PRELID2: variants seen among roughly 807,000 people sequenced by gnomAD.
PRELID2 encodes the protein PRELI domain-containing protein 2.
In PRELID2, 25 loss-of-function variants were observed where a neutral mutation model predicts 28.4. That is an observed-to-expected ratio of 0.88 (90% CI 0.64 to 1.23). The LOEUF is 1.23. PRELID2 is among the 50% of genes most tolerant of loss of function. The probability of loss-of-function intolerance (pLI) is 0.00; values close to 1 mark genes in which losing one functional copy is unlikely to be tolerated. For synonymous variants in PRELID2, 76 were observed against 71.6 expected (o/e 1.06, Z -0.31); for missense variants, 201 against 214.4 (o/e 0.94, Z 0.39).
the PRELID2 span, among the ~76,000 whole-genome samples, chr5:145,439,186 G>A: frequency 6.6e-6 from 1 of 152,096 alleles, no homozygotes; most frequent in Non-Finnish European, 1.5e-5. Context: ...AATTGCCTGG[G>A]ATTGGCTCAC....
chr5:145,266,107 C>A, the PRELID2 span, among the ~76,000 whole-genome samples: 1 of 152,006 alleles, frequency 6.6e-6, no homozygotes, highest in Non-Finnish European at 1.5e-5. Flanking sequence ...GAAACCCAAA[C>A]AAATCAGCAA....
chr5:145,547,860 G>A (rs1327834267), intron 1 of PRELID2, among the ~76,000 whole-genome samples: 2 of 152,134 alleles, frequency 1.3e-5, no homozygotes, highest in African/African-American at 2.4e-5. Context: ...GAGATCATCT[G>A]CCAAATGCAA....
intron 1 of PRELID2, among the ~76,000 whole-genome samples, chr5:145,626,519 A>T (rs1018186517): frequency 1.3e-5 from 2 of 152,138 alleles, no homozygotes; most frequent in African/African-American, 4.8e-5. Context: ...AAGTAAAAAA[A>T]TGTAGATATT....
chr5:145,621,426 T>C (rs765521135), intron 1 of PRELID2, among the ~76,000 whole-genome samples: 19 of 152,174 alleles, frequency 1.2e-4, no homozygotes, highest in Non-Finnish European at 1.8e-4. Context: ...ATTCTATATC[T>C]ACACAAAAAC....
At chr5:145,495,208 C>T (rs1327568462) in intron 1 of PRELID2, among the ~76,000 whole-genome samples, 5 of 152,160 alleles carry the variant, frequency 3.3e-5, no homozygotes, top group Admixed American at 6.6e-5. Context: ...TACTTATGGG[C>T]ACAGTCTCTC....
In PRELID2 at chr5:145,819,506, T is replaced by G. The variant is rs909580579; in HGVS notation, c.207+439A>C. ...TACACATAAAGACTTACAGAGGGTG[T>G]GGAGAACCTTATACTCTGGGAAATA... is the stretch of plus-strand genomic sequence containing the variant. On this transcript the variant is annotated intron_variant, in intron 3 of 6. Coordinates refer to ENST00000683046, the MANE Select transcript of PRELID2 (RefSeq NM_205846.3). 2.3e-5 allele frequency: 18 copies of G among 783,872 alleles called. No homozygotes were observed. In the African/African-American group the frequency reaches 3.2e-4, roughly 14 times the overall value. The allele number at this position is 783,872 out of a possible 1,614,324, so 48.6% of individuals were successfully genotyped here.
At chr5:145,277,788 C>G in the PRELID2 span, among the ~76,000 whole-genome samples, 1 of 152,182 alleles carries the variant, frequency 6.6e-6, no homozygotes, top group Non-Finnish European at 1.5e-5. Flanking sequence ...AAGGCTGACT[C>G]TCCTCACTGG....
the PRELID2 span, among the ~76,000 whole-genome samples, chr5:145,325,663 A>G: frequency 6.6e-6 from 1 of 152,332 alleles, no homozygotes; most frequent in South Asian, 2.1e-4. Context: ...ATACCAGCTT[A>G]AAATGAACCA....
intron 1 of PRELID2, among the ~76,000 whole-genome samples, chr5:145,604,748 G>GTTTTTTTTTTTTT (rs377653737): frequency 2.8e-5 from 3 of 109,004 alleles, no homozygotes; most frequent in Non-Finnish European, 5.9e-5. Context: ...GTTTTTTTTG[G>GTTTTTTTTTTTTT]TTTTTTTTTT....
At chr5:145,496,571 C>T (rs1311114125) in intron 1 of PRELID2, among the ~76,000 whole-genome samples, 1 of 152,158 alleles carries the variant, frequency 6.6e-6, no homozygotes. Context: ...GCCTGGACTA[C>T]ACCCAGCCAA....
chr5:145,549,008 C>T lies in PRELID2; in HGVS notation n.71-75693G>A, dbSNP rs146965163. Among the ~76,000 whole-genome samples, 79 of 152,296 alleles carry T rather than the reference C, an allele frequency of 5.2e-4. 1 individual carries two copies. The East Asian group carries it at 0.014, about 28-fold the overall frequency. ...CCATTCCCACATTCTGCTCCTTCTG[C>T]CCCCAATACTCTTCTCCTGTCACCT... On this transcript the variant is annotated intron_variant and non_coding_transcript_variant, in intron 1 of 2. Transcript: ENST00000510259.
intron 4 of PRELID2, 39 bp from the exon 5 acceptor site, chr5:145,796,586 T>C (rs755459431): frequency 7.2e-6 from 9 of 1,252,298 alleles, no homozygotes; most frequent in Non-Finnish European, 1.0e-5. Flanking sequence ...GATGTCATTC[T>C]ATGCTTGGAT....
At chr5:145,267,319 T>A in the PRELID2 span, among the ~76,000 whole-genome samples, 1 of 152,062 alleles carries the variant, frequency 6.6e-6, no homozygotes, top group Non-Finnish European at 1.5e-5. Context: ...CTGACCCAAA[T>A]GTTAATCTCC....
chr5:145,384,395 A>G, the PRELID2 span, among the ~76,000 whole-genome samples: 1 of 152,236 alleles, frequency 6.6e-6, no homozygotes, highest in Admixed American at 6.5e-5. Flanking sequence ...ACTCTAATAT[A>G]TTCATACAAT....
At chr5:145,230,410 A>G in the PRELID2 span, among the ~76,000 whole-genome samples, 1 of 152,120 alleles carries the variant, frequency 6.6e-6, no homozygotes, top group South Asian at 2.1e-4. Context: ...TGTCTCTACT[A>G]AAAATACAAA....
At chr5:145,267,901 T>C in the PRELID2 span, among the ~76,000 whole-genome samples, 2,879 of 152,282 alleles carry the variant, frequency 0.019, 93 homozygotes, top group African/African-American at 0.064. Context: ...TTTCTGATGA[T>C]CAGTGACGTT....
At chr5:145,231,096 G>C in the PRELID2 span, among the ~76,000 whole-genome samples, 1 of 152,144 alleles carries the variant, frequency 6.6e-6, no homozygotes, top group African/African-American at 2.4e-5. Context: ...TCTTTCAAAG[G>C]GAAGATTAAC....
chr5:145,733,281 A>G (rs1040917647), intron 1 of PRELID2, among the ~76,000 whole-genome samples: 6 of 152,110 alleles, frequency 3.9e-5, no homozygotes, highest in Non-Finnish European at 8.8e-5. Context: ...AAAAATCTCA[A>G]TGAAATCCAA....
chr5:145,730,184 A>G (rs573030860), intron 1 of PRELID2, among the ~76,000 whole-genome samples: 220 of 152,246 alleles, frequency 1.4e-3, no homozygotes, highest in African/African-American at 5.1e-3. Context: ...GAGGAGTTTT[A>G]GACCCTGGAC....
Sources: allele counts gnomAD v4.1 joint callset (sites outside exome capture counted in the v4.1 genomes callset), GRCh38; gene constraint gnomAD v4.1.1; transcripts MANE v1.5; gene names NCBI Gene and HGNC (gene_info 2026-07-23, HGNC 2026-07-21).